The following EEA1 variants were observed in gnomAD, a reference collection of about 807,000 sequenced individuals.
The protein encoded by EEA1 is early endosome antigen 1.
A neutral mutation model predicts 209.2 loss-of-function variants in EEA1; 111 were observed. The observed-to-expected ratio is 0.53, with a 90% CI of 0.45 to 0.62. EEA1 has a LOEUF of 0.62. Among genes scored for constraint, EEA1 ranks in the 20% least tolerant of loss-of-function variants. The probability of loss-of-function intolerance (pLI) is 0.00; values close to 1 mark genes in which losing one functional copy is unlikely to be tolerated. For missense variants in EEA1, 1,343 were observed against 1,530.8 expected, an observed-to-expected ratio of 0.88 and a Z score of 2.05; for synonymous variants, 536 against 540.6, an observed-to-expected ratio of 0.99 and a Z score of 0.12.
chr12:92,899,962 G>A lies in EEA1; in HGVS notation c.25-8241C>T, dbSNP rs567337754. Among the ~76,000 whole-genome samples the A allele has an allele frequency of 7.9e-5, 12 of 152,156 alleles. No homozygotes were observed. The South Asian group carries it at 2.3e-3, about 29-fold the overall frequency. On this transcript the variant is annotated intron_variant, in intron 1 of 28. Coordinates refer to ENST00000322349, the MANE Select transcript of EEA1 (RefSeq NM_003566.4). ...GAGGGTGAACTTCCATTCTCCCTTGGGTGGAATTTATCTTCCACATCTTGA... is the reference window on the plus strand; with the variant it reads ...GAGGGTGAACTTCCATTCTCCCTTGAGTGGAATTTATCTTCCACATCTTGA...
intron 1 of EEA1, among the ~76,000 whole-genome samples, chr12:92,922,440 C>T (rs1245623638): frequency 6.6e-6 from 1 of 152,194 alleles, no homozygotes; most frequent in Non-Finnish European, 1.5e-5. Context: ...TCCAGAAATT[C>T]TGATTCAATT....
At chr12:92,811,974 A>C (rs529549638) in intron 16 of EEA1, among the ~76,000 whole-genome samples, 1 of 152,192 alleles carries the variant, frequency 6.6e-6, no homozygotes, top group Non-Finnish European at 1.5e-5. Context: ...ATAAAGGGTA[A>C]ATATAGAAAA....
At chr12:92,828,208 C>G in intron 11 of EEA1, 147 bp from the exon 12 acceptor site, 2 of 540,472 alleles carry the variant, frequency 3.7e-6, no homozygotes, top group South Asian at 7.8e-5. Context: ...AGATTTTATA[C>G]AGTAATTTTA....
chr12:92,800,855 G>A (rs915997927), intron 20 of EEA1, among the ~76,000 whole-genome samples: 1 of 152,216 alleles, frequency 6.6e-6, no homozygotes, highest in Non-Finnish European at 1.5e-5. Context: ...ACTTGGGCAT[G>A]AAGCAATTAT....
At chr12:92,836,991 C>T (rs1017559692) in intron 10 of EEA1, among the ~76,000 whole-genome samples, 5 of 151,758 alleles carry the variant, frequency 3.3e-5, no homozygotes, top group African/African-American at 9.7e-5. Context: ...CGTGGTGGTG[C>T]GTACCTGTAA....
At chr12:92,841,566 A>G (rs1877162986) in intron 10 of EEA1, among the ~76,000 whole-genome samples, 1 of 152,176 alleles carries the variant, frequency 6.6e-6, no homozygotes, top group Non-Finnish European at 1.5e-5. Context: ...AACTCCTACA[A>G]CTCAATAACA....
chr12:92,784,870 C>G (rs1874058946), intron 22 of EEA1, among the ~76,000 whole-genome samples: 2 of 152,026 alleles, frequency 1.3e-5, no homozygotes, highest in South Asian at 2.1e-4. Context: ...AACCCATCTA[C>G]TCCCCTTGAA....
chr12:92,791,349 A>G (rs1440316163), intron 21 of EEA1, among the ~76,000 whole-genome samples: 1 of 152,168 alleles, frequency 6.6e-6, no homozygotes, highest in Non-Finnish European at 1.5e-5. Context: ...AAGAGTCAAG[A>G]CCCATCAGTG....
chr12:92,847,545 A>G (rs1194561916), intron 9 of EEA1, among the ~76,000 whole-genome samples: 1 of 152,240 alleles, frequency 6.6e-6, no homozygotes, highest in African/African-American at 2.4e-5. Flanking sequence ...ACACAACTCA[A>G]AAGTATTTTA....
chr12:92,803,664 T>A, intron 18 of EEA1, among the ~76,000 whole-genome samples: 1 of 152,094 alleles, frequency 6.6e-6, no homozygotes, highest in Middle Eastern at 3.5e-3. Context: ...TATTTATACC[T>A]CGAAATCTAA....
chr12:92,844,902 T>A (rs894594334), intron 9 of EEA1, among the ~76,000 whole-genome samples: 2 of 152,076 alleles, frequency 1.3e-5, no homozygotes, highest in African/African-American at 2.4e-5. Flanking sequence ...TTAAGCCAAG[T>A]GTAAGGTCTA....
At chr12:92,864,812 C>T in intron 3 of EEA1, 48 bp downstream of exon 3, 2 of 1,439,984 alleles carry the variant, frequency 1.4e-6, no homozygotes, top group Non-Finnish European at 1.8e-6. Context: ...AACGACGATA[C>T]CACATGCATA....
At chr12:92,831,714 G>C (rs1876648726) in intron 11 of EEA1, among the ~76,000 whole-genome samples, 1 of 149,338 alleles carries the variant, frequency 6.7e-6, no homozygotes, top group Non-Finnish European at 1.5e-5. Context: ...CAGCATTAGG[G>C]CTGATTCACT....
chr12:92,828,126 T>C (rs1876409783), intron 11 of EEA1, 65 bp from the exon 12 acceptor site: 2 of 1,252,796 alleles, frequency 1.6e-6, no homozygotes, highest in Non-Finnish European at 1.0e-6. Context: ...CCACCTACTT[T>C]CCAAACAATG....
At chr12:92,926,089 G>A (rs903592904) in intron 1 of EEA1, among the ~76,000 whole-genome samples, 2 of 151,666 alleles carry the variant, frequency 1.3e-5, no homozygotes. Flanking sequence ...CACCTCCCGG[G>A]TTCAAGTGAT....
intron 2 of EEA1, among the ~76,000 whole-genome samples, chr12:92,882,908 A>G (rs781187083): frequency 9.2e-5 from 14 of 152,180 alleles, no homozygotes; most frequent in Non-Finnish European, 1.9e-4. Flanking sequence ...TTTTTGGTAG[A>G]ACAGTTTGTT....
At chr12:92,853,174 A>G (rs924653419) in intron 6 of EEA1, 149 bp from the exon 7 acceptor site, 4 of 514,106 alleles carry the variant, frequency 7.8e-6, no homozygotes, top group South Asian at 3.3e-5. Flanking sequence ...GAAATTAAGT[A>G]TATCTGCTTC....
chr12:92,871,925 A>G (rs951277628), intron 2 of EEA1, among the ~76,000 whole-genome samples: 1 of 152,128 alleles, frequency 6.6e-6, no homozygotes. Flanking sequence ...CTGTTGCCCA[A>G]GCTGTAGTGC....
intron 2 of EEA1, among the ~76,000 whole-genome samples, chr12:92,873,094 T>TGGGTCTC (rs1484179604): frequency 6.6e-6 from 1 of 152,226 alleles, no homozygotes; most frequent in East Asian, 1.9e-4. Context: ...ACTTGGGTCT[T>TGGGTCTC]GGGTCTCAAC....
Sources: gnomAD v4.1 joint callset for allele counts (sites outside exome capture counted in the v4.1 genomes callset) on GRCh38, gnomAD v4.1.1 for gene constraint, MANE v1.5 for transcripts, NCBI Gene and HGNC (gene_info 2026-07-23, HGNC 2026-07-21) for gene names.